ESRRG: variants seen among roughly 807,000 people sequenced by gnomAD.
The protein encoded by ESRRG is estrogen-related receptor gamma.
Under a neutral mutation model 44.0 loss-of-function variants are expected in ESRRG, and 13 were observed. That is an observed-to-expected ratio of 0.30 (90% CI 0.19 to 0.47). The LOEUF (loss-of-function observed/expected upper bound fraction) is 0.47. ESRRG is among the 20% of genes least tolerant of loss of function. ESRRG has a pLI of 1.00. For missense variants in ESRRG, 395 were observed against 580.6 expected, an observed-to-expected ratio of 0.68 and a Z score of 3.29; for synonymous variants, 215 against 214.6, an observed-to-expected ratio of 1.00 and a Z score of -0.02.
At chr1:216,700,975 T>A (rs1195069267) in intron 1 of ESRRG, among the ~76,000 whole-genome samples, 1 of 152,138 alleles carries the variant, frequency 6.6e-6, no homozygotes, top group East Asian at 1.9e-4. Flanking sequence ...TAGGTTCAAT[T>A]CAAGCTTCCC....
chr1:216,797,729 G>A (rs746178257), intron 2 of ESRRG, among the ~76,000 whole-genome samples: 1 of 152,062 alleles, frequency 6.6e-6, no homozygotes, highest in Non-Finnish European at 1.5e-5. Context: ...TCATCACATC[G>A]TATCAAGGGT....
chr1:216,993,772 T>A (rs1347640323), intron 1 of ESRRG, among the ~76,000 whole-genome samples: 2 of 152,164 alleles, frequency 1.3e-5, no homozygotes, highest in Admixed American at 1.3e-4. Context: ...TCACTCTGGC[T>A]CCTGTTCCAC....
chr1:216,719,907 A>G (rs1436429159), intron 1 of ESRRG, among the ~76,000 whole-genome samples: 2 of 152,072 alleles, frequency 1.3e-5, no homozygotes, highest in Non-Finnish European at 2.9e-5. Flanking sequence ...AGCTCTGCCC[A>G]GGAAATGAAA....
chr1:217,060,114 T>C (rs1446338794), intron 1 of ESRRG, among the ~76,000 whole-genome samples: 4 of 152,016 alleles, frequency 2.6e-5, no homozygotes, highest in African/African-American at 9.7e-5. Context: ...GTATATAATA[T>C]GCATATATAT....
At chr1:216,752,162 T>C (rs948520056) in intron 2 of ESRRG, among the ~76,000 whole-genome samples, 1 of 152,120 alleles carries the variant, frequency 6.6e-6, no homozygotes, top group African/African-American at 2.4e-5. Context: ...ATTGGGAAAC[T>C]GAGATGTAAA....
intron 2 of ESRRG, among the ~76,000 whole-genome samples, chr1:216,748,714 T>A (rs1404130783): frequency 6.6e-6 from 1 of 152,204 alleles, no homozygotes; most frequent in East Asian, 1.9e-4. Flanking sequence ...TCTGGAAGGA[T>A]GTTGTCAGGC....
rs545590909 is a variant in ESRRG, at chr1:217,073,653, C to T, written c.-106+15854G>A. On this transcript the variant is annotated intron_variant, in intron 1 of 7. Coordinates refer to the ESRRG transcript ENST00000359162. ...GTCCCTCTTTTTTCATCCCCTGAAC[C>T]CTCTGATTCACAAGTAAAAATGAAA... Among the ~76,000 whole-genome samples, 18 of 152,084 alleles carry T rather than the reference C, an allele frequency of 1.2e-4. No homozygotes were observed. In the South Asian group the frequency reaches 3.7e-3, roughly 32 times the overall value.
chr1:216,902,341 T>G (rs1228350446), intron 2 of ESRRG, among the ~76,000 whole-genome samples: 1 of 151,886 alleles, frequency 6.6e-6, no homozygotes, highest in Non-Finnish European at 1.5e-5. Context: ...ATACAAAAAT[T>G]ATCTTGGTGT....
chr1:216,529,769 T>C (rs530844894), intron 5 of ESRRG, among the ~76,000 whole-genome samples: 2 of 152,270 alleles, frequency 1.3e-5, no homozygotes, highest in South Asian at 4.1e-4. Context: ...AAAGGTGAAA[T>C]GAACTGCTTT....
At chr1:216,610,221 T>TG (rs1362883162) in intron 3 of ESRRG, among the ~76,000 whole-genome samples, 1 of 151,936 alleles carries the variant, frequency 6.6e-6, no homozygotes, top group Non-Finnish European at 1.5e-5. Context: ...TTTTTTTTTT[T>TG]TTTGCTCCAG....
At chr1:217,059,232 A>G (rs1009601825) in intron 1 of ESRRG, among the ~76,000 whole-genome samples, 1 of 150,418 alleles carries the variant, frequency 6.6e-6, no homozygotes, top group African/African-American at 2.4e-5. Context: ...TATAATAATT[A>G]TGATATACTA....
At chr1:216,849,154 A>T (rs1277142239) in intron 2 of ESRRG, among the ~76,000 whole-genome samples, 4 of 152,156 alleles carry the variant, frequency 2.6e-5, no homozygotes, top group Admixed American at 2.0e-4. Flanking sequence ...AATAATCTCT[A>T]ATCATTCTTC....
intron 6 of ESRRG, among the ~76,000 whole-genome samples, chr1:216,518,270 A>G (rs913619263): frequency 6.6e-6 from 1 of 152,018 alleles, no homozygotes; most frequent in Non-Finnish European, 1.5e-5. Flanking sequence ...CATTCAAGCC[A>G]CTCATTGCAT....
intron 2 of ESRRG, among the ~76,000 whole-genome samples, chr1:216,828,655 G>A (rs1319512703): frequency 1.3e-5 from 2 of 152,034 alleles, no homozygotes; most frequent in African/African-American, 4.8e-5. Context: ...AGAAAACTCG[G>A]GCACAGGGAA....
intron 3 of ESRRG, among the ~76,000 whole-genome samples, chr1:216,629,855 G>A (rs938463835): frequency 6.6e-6 from 1 of 152,060 alleles, no homozygotes; most frequent in Non-Finnish European, 1.5e-5. Context: ...AAATTAAGAG[G>A]GGGGAAATGC....
intron 2 of ESRRG, among the ~76,000 whole-genome samples, chr1:216,831,510 G>C (rs986994305): frequency 6.7e-6 from 1 of 149,664 alleles, no homozygotes; most frequent in Non-Finnish European, 1.5e-5. Context: ...GAAAAAGAGA[G>C]AGAGAGAAAG....
chr1:216,791,537 G>T (rs972402082), intron 2 of ESRRG, among the ~76,000 whole-genome samples: 1 of 152,084 alleles, frequency 6.6e-6, no homozygotes, highest in African/African-American at 2.4e-5. Context: ...TCTCTGAAAA[G>T]ATTCCTTGGA....
intron 1 of ESRRG, among the ~76,000 whole-genome samples, chr1:217,015,192 T>A (rs1323046615): frequency 2.0e-5 from 3 of 152,170 alleles, no homozygotes; most frequent in Non-Finnish European, 4.4e-5. Flanking sequence ...TTTCTGAAAA[T>A]AGTGCAGGGG....
upstream of ESRRG, chr1:216,723,565 G>A (rs1466938048): frequency 6.1e-6 from 3 of 491,312 alleles, no homozygotes; most frequent in Non-Finnish European, 1.1e-5. Context: ...GGGAGGCGAC[G>A]GGAGGCTGCA....
Sources: allele counts gnomAD v4.1 joint callset (sites outside exome capture counted in the v4.1 genomes callset), GRCh38; gene constraint gnomAD v4.1.1; transcripts MANE v1.5; gene names NCBI Gene and HGNC (gene_info 2026-07-23, HGNC 2026-07-21).